The following CDH4 variants were observed in gnomAD, a reference collection of about 807,000 sequenced individuals.
The protein encoded by CDH4 is cadherin-4.
A neutral mutation model predicts 86.0 loss-of-function variants in CDH4; 33 were observed. The observed-to-expected ratio is 0.38, with a 90% CI of 0.29 to 0.51. The LOEUF is 0.51. Ranked by LOEUF, CDH4 falls within the 20% of genes least tolerant of loss-of-function variation. The pLI, the probability that CDH4 is intolerant of heterozygous loss-of-function variation, is 0.86. For synonymous variants in CDH4, 555 were observed against 549.4 expected (o/e 1.01, Z -0.14); for missense variants, 1,114 against 1,307.4 (o/e 0.85, Z 2.28).
rs374314541 is a variant in CDH4, at chr20:61,550,171, A to C, written c.170-193392A>C. Among the ~76,000 whole-genome samples the C allele has an allele frequency of 7.0e-4, 74 of 105,804 alleles. No homozygotes were observed. The South Asian group carries it at 0.017, about 24-fold the overall frequency. The allele number at this position is 105,804 out of a possible 152,430, so 69.4% of individuals were successfully genotyped here. Reference sequence around the variant, plus strand: ...TCCATGGCCTCCCTGCCCCAACCTCACTGGCCTCCCTAGCCTGCTTCCCTG... The same window carrying C: ...TCCATGGCCTCCCTGCCCCAACCTCCCTGGCCTCCCTAGCCTGCTTCCCTG... On this transcript the variant is annotated intron_variant, in intron 2 of 15. Transcript: ENST00000614565.
chr20:61,770,448 C>T (rs147672793), intron 3 of CDH4, among the ~76,000 whole-genome samples: 121 of 152,340 alleles, frequency 7.9e-4, no homozygotes, highest in African/African-American at 2.7e-3. Flanking sequence ...GAGCATCAAC[C>T]ACGAAGACTG....
In CDH4 at chr20:61,873,893, A is replaced by G; in HGVS notation, c.1043A>G (p.Asp348Gly). 1 of 1,613,454 alleles carries G rather than the reference A, an allele frequency of 6.2e-7. No individual in the cohort carries two copies. The highest frequency in any genetic ancestry group is 8.5e-7 in the Non-Finnish European group (1 of 1,179,914). The stretch of plus-strand genomic sequence containing the variant: ...ATCGTCACAGTGGCGGCTGGCCTGG[A>G]CCGAGAGGTGAGGCGGGGTGGGGTC... ...GDIVTVAAGL[D>G]REKVQQYTVI... The change falls in exon 7 of 16, where the codon GAC becomes GGC. Residue 348 changes from aspartate to glycine, a missense_variant. Around this residue, in one of 3 missense-constraint regions of CDH4, gnomAD observed 705 missense variants for 914.1 expected, o/e 0.77. Coordinates refer to ENST00000614565, the MANE Select transcript of CDH4 (RefSeq NM_001794.5).
At chr20:61,889,410 G>A (rs1984692354) in intron 7 of CDH4, among the ~76,000 whole-genome samples, 1 of 149,094 alleles carries the variant, frequency 6.7e-6, no homozygotes, top group Admixed American at 6.7e-5. Flanking sequence ...AGGGATGGGT[G>A]GGTAGATGAT....
intron 5 of CDH4, among the ~76,000 whole-genome samples, chr20:61,851,022 C>A (rs1161306744): frequency 1.3e-5 from 2 of 152,258 alleles, no homozygotes; most frequent in Non-Finnish European, 2.9e-5. Flanking sequence ...TCCCCCGAGG[C>A]CCTGTGACCT....
rs147496973 is a variant in CDH4, at chr20:61,893,251, T to G, written c.1051-1659T>G. ...GGTGACCACAGGGATGGTGGATGGG[T>G]GGGTGGGTGGATGGATAGATGGATG... is the stretch of plus-strand genomic sequence containing the variant. On this transcript the variant is annotated intron_variant, in intron 7 of 15. Coordinates refer to ENST00000614565, the MANE Select transcript of CDH4 (RefSeq NM_001794.5). 5.0e-3 allele frequency among the ~76,000 whole-genome samples: 153 copies of G among 30,318 alleles called. 1 individual carries two copies. Among genetic ancestry groups the G allele is most frequent in the South Asian group, 8.9e-3 (5 of 560 alleles). The allele number at this position is 30,318 out of a possible 152,430, so 19.9% of individuals were successfully genotyped here. A position where few individuals can be genotyped will look rare whatever the true frequency, so the allele number is the denominator to read the frequency against.
At chr20:61,831,720 G>A (rs534937350) in intron 4 of CDH4, among the ~76,000 whole-genome samples, 168 of 152,360 alleles carry the variant, frequency 1.1e-3, no homozygotes, top group African/African-American at 3.8e-3. Flanking sequence ...GCTCCTGGGC[G>A]GGGTGGGGGG....
intron 2 of CDH4, among the ~76,000 whole-genome samples, chr20:61,694,530 A>C (rs75586807): frequency 0.026 from 3,894 of 152,268 alleles, 168 homozygotes; most frequent in African/African-American, 0.09. Context: ...TGGAAAAGAG[A>C]ATGCTTTCTC....
In CDH4 at chr20:61,672,486, G is replaced by A. The variant is rs539011042; in HGVS notation, c.170-71077G>A. ...TCAGGTGTGTATGTGTTGCACAAGA[G>A]GGTAGGCCCTGTCCGTGAAGTGTGT... is the stretch of plus-strand genomic sequence containing the variant. On this transcript the variant is annotated intron_variant, in intron 2 of 15. Coordinates refer to ENST00000614565, the MANE Select transcript of CDH4 (RefSeq NM_001794.5). Among the ~76,000 whole-genome samples the A allele has an allele frequency of 8.1e-4, 124 of 152,294 alleles. 1 individual carries two copies. The highest frequency in any genetic ancestry group is 2.7e-3 in the African/African-American group (112 of 41,558).
Position 61,613,085 on chromosome 20 carries a change from C to T in CDH4, c.170-130478C>T, listed in dbSNP as rs914112776. Among the ~76,000 whole-genome samples, 21 of 152,152 alleles carry T rather than the reference C, an allele frequency of 1.4e-4. 1 individual carries two copies. Among genetic ancestry groups the T allele is most frequent in the African/African-American group, 4.1e-4 (17 of 41,450 alleles). On this transcript the variant is annotated intron_variant, in intron 2 of 15. Transcript: ENST00000614565. ...AGTGTGAGGCTTCTCCTGCCCCTGCCGAGAGCGGTGTTTGCCTCGTCTCTT... is the reference window on the plus strand; with the variant it reads ...AGTGTGAGGCTTCTCCTGCCCCTGCTGAGAGCGGTGTTTGCCTCGTCTCTT...
chr20:61,702,733 A>G (rs973684875), intron 2 of CDH4, among the ~76,000 whole-genome samples: 6 of 152,236 alleles, frequency 3.9e-5, no homozygotes, highest in African/African-American at 1.2e-4. Flanking sequence ...ATTACAGGCA[A>G]TGTCACCTGT....
chr20:61,524,380 G>T (rs950286594), intron 2 of CDH4, among the ~76,000 whole-genome samples: 1 of 152,142 alleles, frequency 6.6e-6, no homozygotes, highest in Non-Finnish European at 1.5e-5. Flanking sequence ...TCCTATTCCC[G>T]CATTCAACCG....
At chr20:61,832,016 T>C (rs1474729853) in intron 4 of CDH4, among the ~76,000 whole-genome samples, 1 of 117,894 alleles carries the variant, frequency 8.5e-6, no homozygotes, top group Non-Finnish European at 2.2e-5. Context: ...GGAGACCACC[T>C]TGCCCACTCA....
At chr20:61,565,954 C>G (rs1029392010) in intron 2 of CDH4, among the ~76,000 whole-genome samples, 1 of 152,178 alleles carries the variant, frequency 6.6e-6, no homozygotes, top group Admixed American at 6.5e-5. Flanking sequence ...ACTGTTGCCT[C>G]CCACCTGATG....
At chr20:61,495,297 C>T (rs945410297) in intron 2 of CDH4, among the ~76,000 whole-genome samples, 17 of 152,178 alleles carry the variant, frequency 1.1e-4, no homozygotes, top group Admixed American at 9.8e-4. Flanking sequence ...GAGGGGGAGC[C>T]GAACACGACG....
At chr20:61,783,498 A>AG in intron 4 of CDH4, among the ~76,000 whole-genome samples, 1 of 103,812 alleles carries the variant, frequency 9.6e-6, no homozygotes, top group Non-Finnish European at 2.1e-5. Flanking sequence ...GTGCCCCCGA[A>AG]AGAAATGTAA....
At chr20:61,836,687 C>T (rs12625672) in intron 4 of CDH4, among the ~76,000 whole-genome samples, 62,761 of 152,032 alleles carry the variant, frequency 0.41, 15,908 homozygotes, top group Non-Finnish European at 0.58. Flanking sequence ...CAAGTGAGAA[C>T]CCTTACTTGG....
chr20:61,402,473 C>T lies in CDH4; in HGVS notation c.169+147536C>T, dbSNP rs140738999. 3.9e-5 allele frequency among the ~76,000 whole-genome samples: 6 copies of T among 152,262 alleles called. No individual in the cohort carries two copies. In the East Asian group the frequency reaches 1.2e-3, roughly 29 times the overall value. On this transcript the variant is annotated intron_variant, in intron 2 of 15. Transcript: ENST00000614565. Reference sequence around the variant, plus strand: ...GCAGTGGTACAATTTTGGCTCACTGCAGCCTCCTCCCGGGTTCAAGCAATT... The same window carrying T: ...GCAGTGGTACAATTTTGGCTCACTGTAGCCTCCTCCCGGGTTCAAGCAATT...
chr20:61,734,204 G>T (rs2088232523), intron 2 of CDH4, among the ~76,000 whole-genome samples: 1 of 152,238 alleles, frequency 6.6e-6, no homozygotes, highest in African/African-American at 2.4e-5. Flanking sequence ...GGGCTGGGGG[G>T]AGATGTGAAG....
At chr20:61,875,377 G>A (rs62204971) in intron 7 of CDH4, among the ~76,000 whole-genome samples, 40,324 of 151,834 alleles carry the variant, frequency 0.27, 6,451 homozygotes, top group Non-Finnish European at 0.36. Context: ...CGGGGAAGGC[G>A]AGGTGGCCGC....
Sources: gnomAD v4.1 joint callset for allele counts (sites outside exome capture counted in the v4.1 genomes callset) on GRCh38, gnomAD v4.1.1 for gene constraint, gnomAD v4.1.1 regional missense constraint, MANE v1.5 for transcripts, NCBI Gene and HGNC (gene_info 2026-07-23, HGNC 2026-07-21) for gene names.